ST8SIA5: variants seen among roughly 807,000 people sequenced by gnomAD.
The protein encoded by ST8SIA5 is alpha-2,8-sialyltransferase 8E.
ST8SIA5 carries 24 observed loss-of-function variants against 40.2 expected under a neutral mutation model. The observed-to-expected ratio is 0.60, with a 90% CI of 0.43 to 0.84. ST8SIA5 has a LOEUF of 0.84. ST8SIA5 is among the 40% of genes least tolerant of loss of function. The pLI, the probability that ST8SIA5 is intolerant of heterozygous loss-of-function variation, is 0.00. For missense variants in ST8SIA5, 465 were observed against 498.5 expected (o/e 0.93, Z 0.64); for synonymous variants, 198 against 201.8 (o/e 0.98, Z 0.16).
intron 1 of ST8SIA5, among the ~76,000 whole-genome samples, chr18:46,715,709 A>T (rs1046577524): frequency 1.3e-5 from 2 of 152,080 alleles, no homozygotes; most frequent in Admixed American, 1.3e-4. Flanking sequence ...CCTCCTGAGT[A>T]GCTAGGACTA....
chr18:46,712,293 C>G (rs766754976), intron 1 of ST8SIA5, among the ~76,000 whole-genome samples: 2 of 152,140 alleles, frequency 1.3e-5, no homozygotes, highest in Non-Finnish European at 2.9e-5. Flanking sequence ...GACCACCATG[C>G]CCACAGGCAC....
intron 2 of ST8SIA5, 62 bp downstream of exon 2, chr18:46,704,510 A>G: frequency 7.2e-7 from 1 of 1,382,912 alleles, no homozygotes; most frequent in East Asian, 2.3e-5. Context: ...CCACGCACTC[A>G]CCCCCAACCC....
rs1599089436 is a variant in ST8SIA5, at chr18:46,668,020, T to C, written c.*12022A>G. The C allele has an allele frequency of 6.6e-6, 1 of 152,222 alleles. No homozygotes were observed. The highest frequency in any genetic ancestry group is 1.9e-4 in the East Asian group (1 of 5,192). 9.4% of individuals were successfully genotyped at this position (152,222 alleles called of 1,614,324 possible). A position where few individuals can be genotyped will look rare whatever the true frequency, so the allele number is the denominator to read the frequency against. On this transcript the variant is annotated 3_prime_UTR_variant, in exon 7 of 7. Transcript: ENST00000315087. ...AAACCACTGCTCCCAGAACAAAATT[T>C]GCATAAAAATAAGATCAGGCCTGCA...
At chr18:46,721,576 T>C in intron 1 of ST8SIA5, 1 of 918,136 alleles carries the variant, frequency 1.1e-6, no homozygotes, top group Non-Finnish European at 1.7e-6. Context: ...ATTGCCTTGG[T>C]CATGCAATTA....
At chr18:46,697,013 C>A (rs2039562845) in intron 2 of ST8SIA5, among the ~76,000 whole-genome samples, 1 of 150,474 alleles carries the variant, frequency 6.6e-6, no homozygotes, top group Non-Finnish European at 1.5e-5. Flanking sequence ...AGTCTGTAAG[C>A]AGAACCATCA....
chr18:46,687,887 A>G (rs894329145), intron 4 of ST8SIA5, among the ~76,000 whole-genome samples: 1 of 152,202 alleles, frequency 6.6e-6, no homozygotes, highest in Non-Finnish European at 1.5e-5. Flanking sequence ...ACACCCATGC[A>G]ACCTTCCTCC....
chr18:46,728,844 G>A (rs1270387814), intron 1 of ST8SIA5, among the ~76,000 whole-genome samples: 1 of 152,150 alleles, frequency 6.6e-6, no homozygotes, highest in Admixed American at 6.5e-5. Flanking sequence ...TGCCTTCCCT[G>A]TCCAACGGCC....
chr18:46,682,039 T>C lies in ST8SIA5; in HGVS notation c.595A>G (p.Lys199Glu). The part of the protein sequence containing the change: ...FRCNLPPISE[K>E]YTMDVGVKTD... ...TTCACCCCCACATCCATGGTGTACT[T>C]CTCTGAGATGGGGGGCAGGTTGCAC... Residue 199 changes from lysine to glutamate, a missense_variant, in exon 6 of 7, where the codon AAG (lysine) becomes GAG (glutamate). Transcript: ENST00000315087. 1 of 1,609,662 alleles carries C rather than the reference T, an allele frequency of 6.2e-7. No homozygotes were observed. The highest frequency in any genetic ancestry group is 8.5e-7 in the Non-Finnish European group (1 of 1,178,762).
intron 1 of ST8SIA5, chr18:46,721,473 G>A (rs1337227752): frequency 6.5e-7 from 1 of 1,535,844 alleles, no homozygotes; most frequent in East Asian, 2.4e-5. Context: ...GAGGCCTCTG[G>A]CAAGAAAACG....
At chr18:46,709,523 C>T (rs16939980) in intron 1 of ST8SIA5, among the ~76,000 whole-genome samples, 23,509 of 152,176 alleles carry the variant, frequency 0.15, 1,962 homozygotes, top group South Asian at 0.23. Context: ...TCTAACAGGA[C>T]GCTCAAGAAC....
intron 2 of ST8SIA5, among the ~76,000 whole-genome samples, chr18:46,696,456 A>G (rs1193474760): frequency 1.3e-5 from 2 of 151,904 alleles, no homozygotes; most frequent in Non-Finnish European, 2.9e-5. Flanking sequence ...TCTGGGCCCT[A>G]CTCTCTCTGC....
intron 1 of ST8SIA5, among the ~76,000 whole-genome samples, chr18:46,751,282 A>T (rs778906308): frequency 6.6e-6 from 1 of 152,242 alleles, no homozygotes; most frequent in Admixed American, 6.5e-5. Flanking sequence ...TCCAAGGTTC[A>T]TCCATGTTGT....
At chr18:46,713,308 T>G (rs2039752465) in intron 1 of ST8SIA5, among the ~76,000 whole-genome samples, 1 of 152,176 alleles carries the variant, frequency 6.6e-6, no homozygotes, top group Non-Finnish European at 1.5e-5. Flanking sequence ...TCCTAGGACT[T>G]CAGCTTGAAC....
At chr18:46,752,570 A>G (rs1345987661) in intron 1 of ST8SIA5, among the ~76,000 whole-genome samples, 1 of 152,266 alleles carries the variant, frequency 6.6e-6, no homozygotes, top group Admixed American at 6.5e-5. Context: ...CTCCTGACCA[A>G]GGGAGGTGCT....
chr18:46,743,996 T>C (rs2040113360), intron 1 of ST8SIA5, among the ~76,000 whole-genome samples: 1 of 152,172 alleles, frequency 6.6e-6, no homozygotes, highest in East Asian at 1.9e-4. Context: ...ATAAAATCTT[T>C]TACAGACAAG....
chr18:46,739,225 A>T (rs1354494879), intron 1 of ST8SIA5, among the ~76,000 whole-genome samples: 1 of 152,138 alleles, frequency 6.6e-6, no homozygotes, highest in Non-Finnish European at 1.5e-5. Context: ...GCCCAGAGTT[A>T]GGACAGATGT....
intron 2 of ST8SIA5, among the ~76,000 whole-genome samples, chr18:46,703,916 G>C (rs562927227): frequency 1.3e-5 from 2 of 152,154 alleles, no homozygotes; most frequent in Non-Finnish European, 2.9e-5. Flanking sequence ...CCCTCCTGTG[G>C]GTTGAAAAGA....
chr18:46,720,401 C>T (rs927811698), intron 1 of ST8SIA5, among the ~76,000 whole-genome samples: 1 of 152,182 alleles, frequency 6.6e-6, no homozygotes, highest in African/African-American at 2.4e-5. Flanking sequence ...CAGGCCACAG[C>T]GTGCGACCAT....
intron 1 of ST8SIA5, among the ~76,000 whole-genome samples, chr18:46,747,544 C>A (rs559421326): frequency 6.6e-6 from 1 of 151,994 alleles, no homozygotes; most frequent in Non-Finnish European, 1.5e-5. Flanking sequence ...CCAGTTAGAA[C>A]GGTGATCATT....
Sources: gnomAD v4.1 joint callset for allele counts (sites outside exome capture counted in the v4.1 genomes callset) on GRCh38, gnomAD v4.1.1 for gene constraint, MANE v1.5 for transcripts, NCBI Gene and HGNC (gene_info 2026-07-23, HGNC 2026-07-21) for gene names.